TTC1: variants seen among roughly 807,000 people sequenced by gnomAD.
TTC1 encodes tetratricopeptide repeat protein 1.
A neutral mutation model predicts 37.6 loss-of-function variants in TTC1; 31 were observed. That is an observed-to-expected ratio of 0.82 (90% CI 0.62 to 1.11). TTC1 has a LOEUF of 1.11. Ranked by LOEUF, TTC1 falls within the 50% of genes most tolerant of loss-of-function variation. The probability of loss-of-function intolerance (pLI) is 0.00; values close to 1 mark genes in which losing one functional copy is unlikely to be tolerated. For synonymous variants in TTC1, 127 were observed against 122.4 expected (o/e 1.04, Z -0.25); for missense variants, 351 against 339.0 (o/e 1.04, Z -0.28).
In TTC1 at chr5:160,057,242, G is replaced by A. The variant is rs1050879660; in HGVS notation, c.745+6059G>A. Among the ~76,000 whole-genome samples, 1 of 152,024 alleles carries A rather than the reference G, an allele frequency of 6.6e-6. No homozygotes were observed. The highest frequency in any genetic ancestry group is 1.5e-5 in the Non-Finnish European group (1 of 68,002). Reference sequence around the variant, plus strand: ...CTTGGTAAGGCTTCTTTCAGCCCTCGAATTTACCCAAGGTCAAATACAGGC... The same window carrying A: ...CTTGGTAAGGCTTCTTTCAGCCCTCAAATTTACCCAAGGTCAAATACAGGC... On this transcript the variant is annotated intron_variant, in intron 7 of 7. Coordinates refer to ENST00000231238, the MANE Select transcript of TTC1 (RefSeq NM_003314.3). This position sits in a 1 kb window ranked among gnomAD's most constrained non-coding sequence, Gnocchi z 4.4.
chr5:160,047,186 G>T (rs568200949), intron 5 of TTC1, among the ~76,000 whole-genome samples: 4 of 152,180 alleles, frequency 2.6e-5, no homozygotes, highest in African/African-American at 7.2e-5. Flanking sequence ...CTAGTGTCCT[G>T]TATCCCACTG....
chr5:160,036,033 C>T (rs1034016528), intron 3 of TTC1, among the ~76,000 whole-genome samples: 2 of 150,808 alleles, frequency 1.3e-5, no homozygotes, highest in African/African-American at 4.9e-5. Context: ...ATTTTGGAAG[C>T]ATATTTTTTG....
At chr5:160,041,993 G>T (rs1170463884) in intron 4 of TTC1, among the ~76,000 whole-genome samples, 1 of 152,120 alleles carries the variant, frequency 6.6e-6, no homozygotes, top group East Asian at 1.9e-4. Flanking sequence ...GCAGTGTCGT[G>T]AACTCAACTT....
rs934345455 is a variant in TTC1 at position 160,043,256 on chromosome 5, T to C, written c.541+87T>C. The C allele has an allele frequency of 4.3e-6, 6 of 1,395,900 alleles. No individual in the cohort carries two copies. The African/African-American group carries it at 4.3e-5, about 10-fold the overall frequency. The allele number at this position is 1,395,900 out of a possible 1,614,324, so 86.5% of individuals were successfully genotyped here. ...TTTGGGTCAGGTGTGCACTTGTACA[T>C]GTGTACCCTTCCTCTGGGGCCTTGC... is the stretch of plus-strand genomic sequence containing the variant. On this transcript the variant is annotated intron_variant, in intron 5 of 7. Transcript: ENST00000231238.
intron 3 of TTC1, among the ~76,000 whole-genome samples, chr5:160,036,078 G>C (rs1756994692): frequency 6.6e-6 from 1 of 151,882 alleles, no homozygotes; most frequent in Admixed American, 6.6e-5. Context: ...CCTGAGAAAG[G>C]AGTACATAGG....
chr5:160,023,905 C>T (rs1054466767), intron 2 of TTC1: 37 of 1,598,540 alleles, frequency 2.3e-5, no homozygotes, highest in Non-Finnish European at 2.7e-5. Flanking sequence ...TGGGGTCAGG[C>T]TTCTCAAACT....
chr5:160,052,560 A>AAAC (rs1757431151), intron 7 of TTC1, among the ~76,000 whole-genome samples: 1 of 151,292 alleles, frequency 6.6e-6, no homozygotes, highest in South Asian at 2.1e-4. Context: ...AAAAAAAAAA[A>AAAC]AAAAAAAAAA....
At chr5:160,025,200 A>T (rs1348681066) in intron 2 of TTC1, among the ~76,000 whole-genome samples, 1 of 151,898 alleles carries the variant, frequency 6.6e-6, no homozygotes, top group South Asian at 2.1e-4. Flanking sequence ...GCTAATTTTT[A>T]TATTTTTAAT....
At chr5:160,021,287 C>CA (rs1756700260) in intron 2 of TTC1, among the ~76,000 whole-genome samples, 1 of 152,190 alleles carries the variant, frequency 6.6e-6, no homozygotes, top group Non-Finnish European at 1.5e-5. Flanking sequence ...TCCAGATGGA[C>CA]ACAGATGACT....
chr5:160,054,165 C>CT (rs564834528), intron 7 of TTC1, among the ~76,000 whole-genome samples: 61 of 152,234 alleles, frequency 4.0e-4, no homozygotes, highest in African/African-American at 1.4e-3. Flanking sequence ...TTTAAAAGGA[C>CT]TTAAGGGTAT....
chr5:160,044,273 G>A (rs1338714413), intron 5 of TTC1, among the ~76,000 whole-genome samples: 1 of 152,108 alleles, frequency 6.6e-6, no homozygotes, highest in African/African-American at 2.4e-5. Flanking sequence ...CCCCAAGAGA[G>A]GATTCCTGGA....
At chr5:160,034,995 C>A in intron 2 of TTC1, 145 bp from the exon 3 acceptor site, 1 of 541,720 alleles carries the variant, frequency 1.8e-6, no homozygotes, top group Non-Finnish European at 3.0e-6. Flanking sequence ...TCCTCTATCA[C>A]TGTACAAGGT....
At position 160,065,056 on chromosome 5, in the gene TTC1, T is replaced by C; in HGVS notation, c.870T>C (p.Asn290=). The change falls in exon 8 of 8, where the codon AAT becomes AAC. Residue 290 remains asparagine (N), a synonymous_variant. Transcript: ENST00000231238. ...YSINFVQNPN[N]NR is the part of the protein sequence containing the mutation. Reference sequence around the variant, plus strand: ...TCAATTTCGTTCAAAATCCAAATAATAACAGATAACAAAGATAACAAAAGC... The same window carrying C: ...TCAATTTCGTTCAAAATCCAAATAACAACAGATAACAAAGATAACAAAAGC... 6.2e-7 allele frequency: 1 copy of C among 1,609,922 alleles called. No individual in the cohort carries two copies. The highest frequency in any genetic ancestry group is 8.5e-7 in the Non-Finnish European group (1 of 1,179,188).
In TTC1 at chr5:160,010,711, G is replaced by T. The variant is rs768210255; in HGVS notation, c.183G>T (p.Glu61Asp). The change falls in exon 2 of 8, where the codon GAG (glutamate) becomes GAT (aspartate). Residue 61 changes from glutamate (E) to aspartate (D), a missense_variant. Transcript: ENST00000231238. The stretch of plus-strand genomic sequence containing the variant: ...TCCAGGAGGACCAGGGAGAAGAGGA[G>T]TGTTTTCATGACTGCAGTGCCTCAT... ...AHLQEDQGEE[E>D]CFHDCSASFE... is the part of the protein sequence containing the mutation. The T allele has an allele frequency of 8.7e-6, 14 of 1,613,890 alleles. No homozygotes were observed. Among genetic ancestry groups the T allele is most frequent in the Non-Finnish European group, 1.0e-5 (12 of 1,179,860 alleles).
rs550779739 is a variant in TTC1, at chr5:160,054,610, AAAG to A, written c.745+3430_745+3432del. Among the ~76,000 whole-genome samples, 12 of 152,332 alleles carry A rather than the reference AAAG, an allele frequency of 7.9e-5. No homozygotes were observed. The East Asian group carries it at 2.3e-3, about 29-fold the overall frequency. Reference sequence around the variant, plus strand: ...CCAAGACCCTGTCTCAAAAACAAAAAAAGAAAGAAAAAAGAAAAGAAAAATCTC... The same window carrying A: ...CCAAGACCCTGTCTCAAAAACAAAAAAAAGAAAAAAGAAAAGAAAAATCTC... On this transcript the variant is annotated intron_variant, in intron 7 of 7. Coordinates refer to ENST00000231238, the MANE Select transcript of TTC1 (RefSeq NM_003314.3).
At chr5:160,012,989 A>G (rs1428587414) in intron 2 of TTC1, among the ~76,000 whole-genome samples, 2 of 152,210 alleles carry the variant, frequency 1.3e-5, no homozygotes, top group Non-Finnish European at 2.9e-5. Flanking sequence ...AGACATTCAT[A>G]TAAACATAAT....
intron 2 of TTC1, among the ~76,000 whole-genome samples, chr5:160,027,252 C>T (rs1026131025): frequency 6.6e-5 from 10 of 152,162 alleles, no homozygotes; most frequent in Non-Finnish European, 1.0e-4. Context: ...TGTTCTCAAA[C>T]TCCTGAGTTC....
At chr5:160,034,171 T>A (rs1443195306) in intron 2 of TTC1, among the ~76,000 whole-genome samples, 1 of 151,484 alleles carries the variant, frequency 6.6e-6, no homozygotes, top group Non-Finnish European at 1.5e-5. Flanking sequence ...AGATTTTCTG[T>A]TTTTGGGGTT....
At chr5:160,031,680 C>T (rs1756912671) in intron 2 of TTC1, among the ~76,000 whole-genome samples, 1 of 151,980 alleles carries the variant, frequency 6.6e-6, no homozygotes, top group African/African-American at 2.4e-5. Context: ...CGCTTTGCTA[C>T]CTCAACTTTC....
Sources: gnomAD v4.1 joint callset for allele counts (sites outside exome capture counted in the v4.1 genomes callset) on GRCh38, gnomAD v4.1.1 for gene constraint, Gnocchi (gnomAD v3.1) non-coding constraint, MANE v1.5 for transcripts, NCBI Gene and HGNC (gene_info 2026-07-23, HGNC 2026-07-21) for gene names.